Variants in NUDT5 observed in about 807,000 individuals in gnomAD.
The protein encoded by NUDT5 is ADP-sugar pyrophosphatase.
NUDT5 carries 21 observed loss-of-function variants against 34.1 expected under a neutral mutation model. That is an observed-to-expected ratio of 0.62 (90% CI 0.44 to 0.89). The LOEUF (loss-of-function observed/expected upper bound fraction) is 0.89. Among genes scored for constraint, NUDT5 ranks in the 40% least tolerant of loss-of-function variants. The pLI is 0.00. For synonymous variants in NUDT5, 85 were observed against 97.6 expected, an observed-to-expected ratio of 0.87 and a Z score of 0.76; for missense variants, 249 against 274.8, an observed-to-expected ratio of 0.91 and a Z score of 0.66.
chr10:12,177,335 C>T (rs940493956), intron 5 of NUDT5, among the ~76,000 whole-genome samples: 19 of 151,922 alleles, frequency 1.3e-4, no homozygotes, highest in African/African-American at 2.9e-4. Flanking sequence ...CTGGCCAACA[C>T]GGTGAAACCC....
chr10:12,187,870 A>G lies in NUDT5; in HGVS notation c.-41-1538T>C, dbSNP rs1406003298. On this transcript the variant is annotated intron_variant, in intron 1 of 9. Coordinates refer to ENST00000491614, the MANE Select transcript of NUDT5 (RefSeq NM_014142.4). The surrounding 1 kb of genome is among the most constrained non-coding windows in gnomAD (Gnocchi z 5.4). ...TCTGTTGTTTCTTTTAAGAACTGTT[A>G]CTTGGACCAGGCACAGTGGCTCACA... is the stretch of plus-strand genomic sequence containing the variant. Among the ~76,000 whole-genome samples, 2 of 152,086 alleles carry G rather than the reference A, an allele frequency of 1.3e-5. No homozygotes were observed. Among genetic ancestry groups the G allele is most frequent in the African/African-American group, 4.8e-5 (2 of 41,420 alleles).
chr10:12,172,608 CATG>C, intron 7 of NUDT5, 154 bp downstream of exon 7: 2 of 606,288 alleles, frequency 3.3e-6, no homozygotes, highest in Non-Finnish European at 3.0e-6. Flanking sequence ...TGCTAAAATA[CATG>C]ATTAGGAAGA....
At chr10:12,193,308 G>A (rs1835267978) in intron 1 of NUDT5, among the ~76,000 whole-genome samples, 1 of 152,180 alleles carries the variant, frequency 6.6e-6, no homozygotes, top group East Asian at 1.9e-4. Context: ...TGTTTGAGGT[G>A]ATAGCAGACA....
At position 12,168,642 on chromosome 10, in the gene NUDT5, G is replaced by A. The variant is rs999690794; in HGVS notation, c.551-831C>T. On this transcript the variant is annotated intron_variant, in intron 9 of 9. Coordinates refer to ENST00000491614, the MANE Select transcript of NUDT5 (RefSeq NM_014142.4). This position sits in a 1 kb window ranked among gnomAD's most constrained non-coding sequence, Gnocchi z 4.8. ...AAATCAGCCTCTTGTTTTCCTAGCCGCTTGTTTGGGAACAAGCCTGGGGAC... is the reference window on the plus strand; with the variant it reads ...AAATCAGCCTCTTGTTTTCCTAGCCACTTGTTTGGGAACAAGCCTGGGGAC... Among the ~76,000 whole-genome samples the A allele has an allele frequency of 1.3e-5, 2 of 152,140 alleles. No homozygotes were observed. The highest frequency in any genetic ancestry group is 4.8e-5 in the African/African-American group (2 of 41,430).
chr10:12,195,023 G>T (rs1835308442), intron 1 of NUDT5, among the ~76,000 whole-genome samples: 2 of 152,162 alleles, frequency 1.3e-5, no homozygotes, highest in South Asian at 4.1e-4. Context: ...ATTAGCCGGC[G>T]TAGTGGCGCG....
chr10:12,169,172 G>C lies in NUDT5; in HGVS notation c.551-1361C>G. The C allele has an allele frequency of 2.5e-6, 2 of 797,972 alleles. No individual in the cohort carries two copies. The highest frequency in any genetic ancestry group is 4.0e-6 in the Non-Finnish European group (2 of 501,954). 49.4% of individuals were successfully genotyped at this position (797,972 alleles called of 1,614,324 possible). A position where few individuals can be genotyped will look rare whatever the true frequency, so the allele number is the denominator to read the frequency against. ...GATTCTGCTAAAGCTAGGCAACTTG[G>C]TTCTTTTACCCCTCCTCCTTTATAG... On this transcript the variant is annotated intron_variant, in intron 9 of 9. Coordinates refer to ENST00000491614, the MANE Select transcript of NUDT5 (RefSeq NM_014142.4). This position sits in a 1 kb window ranked among gnomAD's most constrained non-coding sequence, Gnocchi z 4.8.
intron 1 of NUDT5, among the ~76,000 whole-genome samples, chr10:12,188,088 G>A (rs1325151359): frequency 1.3e-5 from 2 of 150,366 alleles, no homozygotes; most frequent in Admixed American, 6.6e-5. Flanking sequence ...GCAGAGAGCC[G>A]AGATCACGCC....
intron 3 of NUDT5, among the ~76,000 whole-genome samples, chr10:12,183,636 T>TA (rs1835079587): frequency 6.6e-6 from 1 of 152,190 alleles, no homozygotes; most frequent in African/African-American, 2.4e-5. Flanking sequence ...TTTCACTAAG[T>TA]AAAAAATTAA....
intron 5 of NUDT5, among the ~76,000 whole-genome samples, chr10:12,176,761 A>G (rs1834956106): frequency 6.6e-6 from 1 of 152,202 alleles, no homozygotes; most frequent in South Asian, 2.1e-4. Context: ...TGAAATGAAG[A>G]GTCTCCTTGG....
At chr10:12,172,567 C>G in intron 7 of NUDT5, 198 bp downstream of exon 7, 1 of 590,876 alleles carries the variant, frequency 1.7e-6, no homozygotes, top group East Asian at 2.8e-5. Context: ...ACAAAGAAAG[C>G]GTAAAGATGA....
At position 12,167,749 on chromosome 10, in the gene NUDT5, T is replaced by G. The variant is rs1246984120; in HGVS notation, c.613A>C (p.Lys205Gln). 1.9e-6 allele frequency: 3 copies of G among 1,614,106 alleles called. No homozygotes were observed. The highest frequency in any genetic ancestry group is 2.5e-6 in the Non-Finnish European group (3 of 1,180,036). ...ARVYSYALAL[K>Q]HANAKPFEVP... ...TCAAATGGCTTTGCATTTGCATGTT[T>G]CAGTGCTAGAGCGTAGGAATAGACC... The change falls in exon 10 of 10, where the codon AAA (lysine) becomes CAA (glutamine). Residue 205 changes from lysine to glutamine, a missense_variant. Physicochemically the swap from Lys to Gln is moderately conservative, Grantham distance 53. Transcript: ENST00000491614.
Position 12,170,681 on chromosome 10 carries a change from C to A in NUDT5, c.550+36G>T, listed in dbSNP as rs1834836058. On this transcript the variant is annotated intron_variant, in intron 9 of 9. Transcript: ENST00000491614. The surrounding 1 kb of genome is among the most constrained non-coding windows in gnomAD (Gnocchi z 4.9). ...TTTGCTGGGATGGGGACGGGGAGAA[C>A]TGGAGAAACTGGGTGGCGGTCTGGA... 3 of 1,603,418 alleles carry A rather than the reference C, an allele frequency of 1.9e-6. No homozygotes were observed. Among genetic ancestry groups the A allele is most frequent in the African/African-American group, 2.7e-5 (2 of 74,694 alleles).
intron 1 of NUDT5, among the ~76,000 whole-genome samples, chr10:12,193,133 G>T (rs143441255): frequency 8.5e-5 from 13 of 152,158 alleles, no homozygotes; most frequent in Non-Finnish European, 1.5e-4. Flanking sequence ...GGTTACAGAC[G>T]TATAGTAACG....
rs1834828068 is a variant in NUDT5 at position 12,170,277 on chromosome 10, C to T, written c.550+440G>A. The T allele has an allele frequency of 2.3e-6, 3 of 1,309,338 alleles. No individual in the cohort carries two copies. Among genetic ancestry groups the T allele is most frequent in the Non-Finnish European group, 2.2e-6 (2 of 913,936 alleles). 81.1% of individuals were successfully genotyped at this position (1,309,338 alleles called of 1,614,324 possible). A position where few individuals can be genotyped will look rare whatever the true frequency, so the allele number is the denominator to read the frequency against. ...TATCACACGGAGTATACAGGAAATA[C>T]CTCAAGTATTTGTTGAAGGAGCATC... On this transcript the variant is annotated intron_variant, in intron 9 of 9. Coordinates refer to ENST00000491614, the MANE Select transcript of NUDT5 (RefSeq NM_014142.4). This position sits in a 1 kb window ranked among gnomAD's most constrained non-coding sequence, Gnocchi z 4.9.
chr10:12,172,687 TAATA>T (rs1403192741), intron 7 of NUDT5, 74 bp downstream of exon 7: 157 of 923,564 alleles, frequency 1.7e-4, no homozygotes, highest in Non-Finnish European at 2.2e-4. Context: ...TACATTCTTT[TAATA>T]AATCAAACTA....
chr10:12,179,178 GA>G (rs1564424774), intron 3 of NUDT5, 46 bp from the exon 4 acceptor site: 1 of 1,537,122 alleles, frequency 6.5e-7, no homozygotes, highest in Admixed American at 1.7e-5. Context: ...CTACAGAAGA[GA>G]ATTTTCTTAG....
At chr10:12,177,959 AT>A (rs1564424434) in intron 4 of NUDT5, 59 bp from the exon 5 acceptor site, 1 of 1,285,872 alleles carries the variant, frequency 7.8e-7, no homozygotes, top group East Asian at 2.3e-5. Context: ...ATGCCAGCAC[AT>A]TGTTTAGAGC....
At chr10:12,193,192 G>A (rs1057250400) in intron 1 of NUDT5, among the ~76,000 whole-genome samples, 4 of 152,152 alleles carry the variant, frequency 2.6e-5, no homozygotes, top group African/African-American at 9.7e-5. Context: ...GGAGTAGAGT[G>A]GTAGCCGTGG....
intron 1 of NUDT5, among the ~76,000 whole-genome samples, chr10:12,192,354 A>AT (rs199940872): frequency 1.2e-3 from 187 of 151,646 alleles, no homozygotes; most frequent in African/African-American, 4.0e-3. Context: ...GAGAGGATCA[A>AT]TTTTTTTTGC....
Sources: allele counts gnomAD v4.1 joint callset (sites outside exome capture counted in the v4.1 genomes callset), GRCh38; gene constraint gnomAD v4.1.1; non-coding constraint Gnocchi (gnomAD v3.1); transcripts MANE v1.5; gene names NCBI Gene and HGNC (gene_info 2026-07-23, HGNC 2026-07-21).